The following KCNK15 variants were observed in gnomAD, a reference collection of about 807,000 sequenced individuals.
The protein encoded by KCNK15 is potassium two pore domain channel subfamily K member 15.
Under a neutral mutation model 8.5 loss-of-function variants are expected in KCNK15, and 9 were observed. The ratio of observed to expected loss-of-function variants is 1.06; its 90% confidence interval spans 0.64 to 1.85. The LOEUF (loss-of-function observed/expected upper bound fraction) is 1.85. Ranked by LOEUF, KCNK15 falls within the 40% of genes most tolerant of loss-of-function variation. The pLI is 0.00. For synonymous variants in KCNK15, 224 were observed against 232.7 expected (o/e 0.96, Z 0.34); for missense variants, 467 against 476.8 (o/e 0.98, Z 0.19).
At position 44,750,742 on chromosome 20, in the gene KCNK15, C is replaced by G. The variant is rs199821276; in HGVS notation, c.897C>G (p.Cys299Trp). The G allele has an allele frequency of 3.6e-3, 5,497 of 1,519,380 alleles. 13 individuals are homozygous for G. Among genetic ancestry groups the G allele is most frequent in the Non-Finnish European group, 4.3e-3 (4,910 of 1,139,464 alleles). 94.1% of individuals were successfully genotyped at this position (1,519,380 alleles called of 1,614,324 possible). A position where few individuals can be genotyped will look rare whatever the true frequency, so the allele number is the denominator to read the frequency against. The change falls in exon 2 of 2, where the codon TGC becomes TGG. Residue 299 changes from cysteine (C) to tryptophan (W), a missense_variant. Coordinates refer to ENST00000372861, the MANE Select transcript of KCNK15 (RefSeq NM_022358.4). Reference sequence around the variant, plus strand: ...GCCACGTGCACAAGCTGGAGAGGTGCGCCCGCGACAACCTGGGCTTTTCGC... The same window carrying G: ...GCCACGTGCACAAGCTGGAGAGGTGGGCCCGCGACAACCTGGGCTTTTCGC... ...VFCHVHKLER[C>W]ARDNLGFSPP...
Position 44,746,013 on chromosome 20 carries a change from A to C in KCNK15, c.103A>C (p.Ser35Arg). The change falls in exon 1 of 2, where the codon AGC (serine) becomes CGC (arginine). Residue 35 changes from serine to arginine, a missense_variant. Ser to Arg is a moderately radical substitution (Grantham distance 110). This residue lies in a region of KCNK15 where 455 missense variants were observed against 441.2 expected (regional missense o/e 1.03). Coordinates refer to ENST00000372861, the MANE Select transcript of KCNK15 (RefSeq NM_022358.4). ...VFDALESEAE[S>R]GRQRLLVQKR... ...CGACGCGCTCGAGTCCGAGGCGGAAAGCGGCCGCCAGCGACTGCTGGTCCA... is the reference window on the plus strand; with the variant it reads ...CGACGCGCTCGAGTCCGAGGCGGAACGCGGCCGCCAGCGACTGCTGGTCCA... 3 of 1,528,058 alleles carry C rather than the reference A, an allele frequency of 2.0e-6. No homozygotes were observed. Among genetic ancestry groups the C allele is most frequent in the Non-Finnish European group, 2.6e-6 (3 of 1,137,666 alleles). 94.7% of individuals were successfully genotyped at this position (1,528,058 alleles called of 1,614,324 possible). A position where few individuals can be genotyped will look rare whatever the true frequency, so the allele number is the denominator to read the frequency against.
Position 44,750,846 on chromosome 20 carries a change from A to T in KCNK15, c.*8A>T. On this transcript the variant is annotated 3_prime_UTR_variant, in exon 2 of 2. Coordinates refer to ENST00000372861, the MANE Select transcript of KCNK15 (RefSeq NM_022358.4). ...CGGTGGAAGTCCATCTGACAACCCC[A>T]CCCAGGCCAGGGTCGAATCTGGAAT... The T allele has an allele frequency of 7.1e-7, 1 of 1,414,294 alleles. No homozygotes were observed. The highest frequency in any genetic ancestry group is 9.2e-7 in the Non-Finnish European group (1 of 1,084,228). The allele number at this position is 1,414,294 out of a possible 1,614,324, so 87.6% of individuals were successfully genotyped here. A position where few individuals can be genotyped will look rare whatever the true frequency, so the allele number is the denominator to read the frequency against.
rs998594271 is a variant in KCNK15, at chr20:44,750,452, G to T, written c.607G>T (p.Gly203Cys). ...CFITLTTIGF[G>C]DFVALQSGEA... ...CATCACCCTCACCACCATCGGCTTC[G>T]GCGACTTCGTGGCACTGCAGAGCGG... Residue 203 changes from glycine to cysteine, a missense_variant, in exon 2 of 2, where the codon GGC becomes TGC. This residue lies in a region of KCNK15 where 455 missense variants were observed against 441.2 expected (regional missense o/e 1.03). Transcript: ENST00000372861. 2.5e-6 allele frequency: 4 copies of T among 1,614,028 alleles called. No homozygotes were observed. The highest frequency in any genetic ancestry group is 2.5e-6 in the Non-Finnish European group (3 of 1,179,924).
At chr20:44,749,008 T>C (rs79281304) in intron 1 of KCNK15, among the ~76,000 whole-genome samples, 1,728 of 152,292 alleles carry the variant, frequency 0.011, 33 homozygotes, top group African/African-American at 0.039. Flanking sequence ...CCAGGCCCCT[T>C]TGGATGGACA....
At position 44,751,658 on chromosome 20, in the gene KCNK15, C is replaced by T. The variant is rs142808015; in HGVS notation, c.*820C>T. On this transcript the variant is annotated 3_prime_UTR_variant, in exon 2 of 2. Coordinates refer to ENST00000372861, the MANE Select transcript of KCNK15 (RefSeq NM_022358.4). ...CAGAACCCTGCTCCCTCTTACGCAT[C>T]TCTGGCAGGACTTTCTGGAACAGGC... The T allele has an allele frequency of 2.0e-5, 3 of 152,232 alleles. No individual in the cohort carries two copies. The highest frequency in any genetic ancestry group is 7.2e-5 in the African/African-American group (3 of 41,440). The allele number at this position is 152,232 out of a possible 1,614,324, so 9.4% of individuals were successfully genotyped here.
In KCNK15 at chr20:44,746,108, G is replaced by C. The variant is rs758973774; in HGVS notation, c.198G>C (p.Ala66=). 6 of 1,497,430 alleles carry C rather than the reference G, an allele frequency of 4.0e-6. No homozygotes were observed. The African/African-American group carries it at 5.8e-5, about 14-fold the overall frequency. The allele number at this position is 1,497,430 out of a possible 1,614,324, so 92.8% of individuals were successfully genotyped here. A position where few individuals can be genotyped will look rare whatever the true frequency, so the allele number is the denominator to read the frequency against. Residue 66 remains alanine (A), a synonymous_variant, in exon 1 of 2, where the codon GCG becomes GCC. Coordinates refer to ENST00000372861, the MANE Select transcript of KCNK15 (RefSeq NM_022358.4). ...AEDYRELERL[A]LQAEPHRAGR... ...ACTACCGCGAGCTGGAGCGCCTGGC[G>C]CTCCAGGCTGAGCCCCACCGCGCCG...
At chr20:44,747,321 C>CT (rs900490355) in intron 1 of KCNK15, 2 of 152,234 alleles carry the variant, frequency 1.3e-5, no homozygotes, top group African/African-American at 4.8e-5. Flanking sequence ...CACTGGGTGA[C>CT]TGCCAGGTTT....
Position 44,751,990 on chromosome 20 carries a change from A to C in KCNK15, c.*1152A>C, listed in dbSNP as rs2066034689. 6.6e-6 allele frequency: 1 copy of C among 152,108 alleles called. No homozygotes were observed. The highest frequency in any genetic ancestry group is 2.4e-5 in the African/African-American group (1 of 41,374). The allele number at this position is 152,108 out of a possible 1,614,324, so 9.4% of individuals were successfully genotyped here. On this transcript the variant is annotated 3_prime_UTR_variant, in exon 2 of 2. Transcript: ENST00000372861. ...ATGGAGAGAGGCCCCCAGCCTAAGG[A>C]CCCAGGCTCCTGCCTTCCCACCACC...
chr20:44,750,181 C>T lies in KCNK15; in HGVS notation c.336C>T (p.Phe112=). ...ACTCCGGCAAGGTCTTCTGCATGTT[C>T]TACGCGCTCCTGGGCATCCCGCTGA... The part of the protein sequence containing the change: ...GTDSGKVFCM[F]YALLGIPLTL... The change falls in exon 2 of 2, where the codon TTC becomes TTT. Residue 112 remains phenylalanine, a synonymous_variant. Transcript: ENST00000372861. 1 of 1,612,870 alleles carries T rather than the reference C, an allele frequency of 6.2e-7. No homozygotes were observed. Among genetic ancestry groups the T allele is most frequent in the Non-Finnish European group, 8.5e-7 (1 of 1,179,826 alleles).
At position 44,745,990 on chromosome 20, in the gene KCNK15, A is replaced by G. The variant is rs2066004641; in HGVS notation, c.80A>G (p.Asp27Gly). Reference sequence around the variant, plus strand: ...CTGCTGGTGGGCGCTGCTGTCTTCGACGCGCTCGAGTCCGAGGCGGAAAGC... The same window carrying G: ...CTGCTGGTGGGCGCTGCTGTCTTCGGCGCGCTCGAGTCCGAGGCGGAAAGC... ...CYLLVGAAVF[D>G]ALESEAESGR... is the part of the protein sequence containing the mutation. Residue 27 changes from aspartate to glycine, a missense_variant, in exon 1 of 2, where the codon GAC becomes GGC. Physicochemically the swap from Asp to Gly is moderately conservative, Grantham distance 94. Coordinates refer to ENST00000372861, the MANE Select transcript of KCNK15 (RefSeq NM_022358.4). 3.3e-6 allele frequency: 5 copies of G among 1,520,954 alleles called. No individual in the cohort carries two copies. Among genetic ancestry groups the G allele is most frequent in the Non-Finnish European group, 4.4e-6 (5 of 1,134,908 alleles). 94.2% of individuals were successfully genotyped at this position (1,520,954 alleles called of 1,614,324 possible).
rs2066026787 is a variant in KCNK15, at chr20:44,750,642, CG to C, written c.802del (p.Ala268ArgfsTer97). ...GCCCGCACCCCCAGCCCGCGCCCCC[CG>C]GGGGCGCCCGAGAGCCGTGGCCTCT... ...RAARTPSPRP[P>X]GAPESRGLWL... On this transcript the variant is annotated frameshift_variant, in exon 2 of 2. Transcript: ENST00000372861. LOFTEE classifies it low-confidence loss of function (END_TRUNC). 4 of 1,542,618 alleles carry C rather than the reference CG, an allele frequency of 2.6e-6. No homozygotes were observed. Among genetic ancestry groups the C allele is most frequent in the South Asian group, 1.2e-5 (1 of 84,428 alleles).
At chr20:44,746,955 C>T (rs898305560) in intron 1 of KCNK15, 1 of 152,236 alleles carries the variant, frequency 6.6e-6, no homozygotes, top group Non-Finnish European at 1.5e-5. Flanking sequence ...TGACTACCAT[C>T]TGGCTGGTAC....
rs2066025452 is a variant in KCNK15 at position 44,750,536 on chromosome 20, G to A, written c.691G>A (p.Gly231Arg). The change falls in exon 2 of 2, where the codon GGG becomes AGG. Residue 231 changes from glycine (G) to arginine (R), a missense_variant. By Grantham distance (125) the Gly-to-Arg change is moderately radical. Transcript: ENST00000372861. ...CTTCAGCTTCCTCTACATCCTCCTG[G>A]GGCTCACGGTCATTGGCGCCTTCCT... ...VAFSFLYILLGLTVIGAFLNL... is the reference protein window; with the variant it reads ...VAFSFLYILLRLTVIGAFLNL... 2 of 1,613,334 alleles carry A rather than the reference G, an allele frequency of 1.2e-6. No homozygotes were observed. The highest frequency in any genetic ancestry group is 1.7e-6 in the Non-Finnish European group (2 of 1,179,828).
chr20:44,746,648 G>A (rs1017139415), intron 1 of KCNK15: 7 of 157,132 alleles, frequency 4.5e-5, no homozygotes, highest in African/African-American at 1.7e-4. Flanking sequence ...TCAGGGCTGT[G>A]GTGAGAGTTA....
Position 44,750,828 on chromosome 20 carries a change from A to G in KCNK15, c.983A>G (p.Lys328Arg). 1 of 1,459,222 alleles carries G rather than the reference A, an allele frequency of 6.9e-7. No homozygotes were observed. Among genetic ancestry groups the G allele is most frequent in the Non-Finnish European group, 9.0e-7 (1 of 1,108,498 alleles). The allele number at this position is 1,459,222 out of a possible 1,614,324, so 90.4% of individuals were successfully genotyped here. ...GQAPRLGARW[K>R]SI Reference sequence around the variant, plus strand: ...GCTCCCAGGCTTGGGGCCCGGTGGAAGTCCATCTGACAACCCCACCCAGGC... The same window carrying G: ...GCTCCCAGGCTTGGGGCCCGGTGGAGGTCCATCTGACAACCCCACCCAGGC... Residue 328 changes from lysine to arginine, a missense_variant, in exon 2 of 2, where the codon AAG becomes AGG. Physicochemically the swap from Lys to Arg is conservative, Grantham distance 26. This residue lies in a region of KCNK15 where 455 missense variants were observed against 441.2 expected (regional missense o/e 1.03). Transcript: ENST00000372861.
chr20:44,749,397 C>T (rs991343731), intron 1 of KCNK15, among the ~76,000 whole-genome samples: 12 of 152,122 alleles, frequency 7.9e-5, no homozygotes, highest in Admixed American at 3.3e-4. Flanking sequence ...CAGTAAGAAT[C>T]GCCACGCCAG....
In KCNK15 at chr20:44,746,205, G is replaced by T; in HGVS notation, c.283+12G>T. On this transcript the variant is annotated intron_variant, in intron 1 of 1. Transcript: ENST00000372861. ...CATCACTACCATCGGTGAGCCGCCC[G>T]GAGCCTCCCTCCGCGCCCGCTCCAG... is the stretch of plus-strand genomic sequence containing the variant. 7.3e-7 allele frequency: 1 copy of T among 1,372,336 alleles called. No individual in the cohort carries two copies. The highest frequency in any genetic ancestry group is 9.5e-7 in the Non-Finnish European group (1 of 1,054,808). The allele number at this position is 1,372,336 out of a possible 1,614,324, so 85.0% of individuals were successfully genotyped here. A position where few individuals can be genotyped will look rare whatever the true frequency, so the allele number is the denominator to read the frequency against.
At position 44,750,442 on chromosome 20, in the gene KCNK15, CA is replaced by C; in HGVS notation, c.598del (p.Ile200SerfsTer165). ...ACTACTGCTTCATCACCCTCACCAC[CA>C]TCGGCTTCGGCGACTTCGTGGCACT... ...YYYCFITLTT[I>X]GFGDFVALQS... On this transcript the variant is annotated frameshift_variant, in exon 2 of 2. Transcript: ENST00000372861. LOFTEE classifies it low-confidence loss of function (END_TRUNC). 1 of 1,614,028 alleles carries C rather than the reference CA, an allele frequency of 6.2e-7. No homozygotes were observed. The highest frequency in any genetic ancestry group is 8.5e-7 in the Non-Finnish European group (1 of 1,179,918).
At chr20:44,748,500 T>G (rs1158333796) in intron 1 of KCNK15, among the ~76,000 whole-genome samples, 2 of 152,182 alleles carry the variant, frequency 1.3e-5, no homozygotes, top group African/African-American at 4.8e-5. Context: ...GGGTATGGAA[T>G]GAAAAGGAAT....
Sources: allele counts gnomAD v4.1 joint callset (sites outside exome capture counted in the v4.1 genomes callset), GRCh38; gene constraint gnomAD v4.1.1; regional missense constraint gnomAD v4.1.1; transcripts MANE v1.5; gene names NCBI Gene and HGNC (gene_info 2026-07-23, HGNC 2026-07-21).